PDE4D: variants seen among roughly 807,000 people sequenced by gnomAD.
PDE4D encodes phosphodiesterase 4D, also known as 3',5'-cyclic-AMP phosphodiesterase 4D.
PDE4D carries 24 observed loss-of-function variants against 87.4 expected under a neutral mutation model. The ratio of observed to expected loss-of-function variants is 0.27; its 90% confidence interval spans 0.20 to 0.39. The LOEUF is 0.39. Ranked by LOEUF, PDE4D falls within the 10% of genes least tolerant of loss-of-function variation. PDE4D has a pLI of 1.00. For missense variants in PDE4D, 714 were observed against 1,041.0 expected, an observed-to-expected ratio of 0.69 and a Z score of 4.32; for synonymous variants, 384 against 383.2, an observed-to-expected ratio of 1.00 and a Z score of -0.02.
intron 2 of PDE4D, among the ~76,000 whole-genome samples, chr5:60,176,811 T>C (rs1379030398): frequency 1.3e-5 from 2 of 152,184 alleles, no homozygotes; most frequent in African/African-American, 4.8e-5. Context: ...TGCATAACGC[T>C]GTAAAAGGAG....
chr5:59,702,202 C>A (rs180933684), intron 1 of PDE4D, among the ~76,000 whole-genome samples: 2 of 152,276 alleles, frequency 1.3e-5, no homozygotes, highest in Admixed American at 1.3e-4. Flanking sequence ...GGGCTCACTG[C>A]AAGCTCCCCC....
intron 1 of PDE4D, among the ~76,000 whole-genome samples, chr5:60,371,361 C>T (rs1761013691): frequency 6.6e-6 from 1 of 152,190 alleles, no homozygotes; most frequent in Non-Finnish European, 1.5e-5. Flanking sequence ...TTCTCTTTCT[C>T]CTGTCACCAT....
At chr5:60,127,250 C>T (rs1291139148) in intron 2 of PDE4D, among the ~76,000 whole-genome samples, 1 of 152,080 alleles carries the variant, frequency 6.6e-6, no homozygotes, top group Admixed American at 6.6e-5. Flanking sequence ...AGGTGTGATT[C>T]AGATTATTGA....
At chr5:60,005,205 A>C (rs897438605) in intron 2 of PDE4D, among the ~76,000 whole-genome samples, 3 of 152,146 alleles carry the variant, frequency 2.0e-5, no homozygotes, top group South Asian at 2.1e-4. Context: ...CCAGACACAG[A>C]CAGCCAGATG....
intron 1 of PDE4D, among the ~76,000 whole-genome samples, chr5:59,763,876 C>T (rs146312936): frequency 6.6e-6 from 1 of 152,172 alleles, no homozygotes; most frequent in African/African-American, 2.4e-5. Context: ...TCAACACATA[C>T]TAGCTAGTGA....
chr5:59,309,455 GTA>G (rs1278874547), intron 1 of PDE4D, among the ~76,000 whole-genome samples: 1 of 152,160 alleles, frequency 6.6e-6, no homozygotes, highest in Non-Finnish European at 1.5e-5. Flanking sequence ...CTTTGCCTCT[GTA>G]TTTCACTCAG....
intron 1 of PDE4D, among the ~76,000 whole-genome samples, chr5:59,695,344 C>T (rs1160143104): frequency 1.3e-5 from 2 of 152,070 alleles, no homozygotes; most frequent in African/African-American, 4.8e-5. Context: ...TTCCCCAAGG[C>T]AGGAACTGCA....
In PDE4D at chr5:59,533,660, G is replaced by C. The variant is rs572464328; in HGVS notation, c.456-317692C>G. Among the ~76,000 whole-genome samples the C allele has an allele frequency of 5.3e-5, 8 of 152,258 alleles. No individual in the cohort carries two copies. The South Asian group carries it at 1.0e-3, about 20-fold the overall frequency. Reference sequence around the variant, plus strand: ...TTTAATGCAGTGATTCTCAAAGTGTGGTCTCCAGACTAGCAGCATTAGTGT... The same window carrying C: ...TTTAATGCAGTGATTCTCAAAGTGTCGTCTCCAGACTAGCAGCATTAGTGT... On this transcript the variant is annotated intron_variant, in intron 1 of 14. Coordinates refer to ENST00000340635, the MANE Select transcript of PDE4D (RefSeq NM_001104631.2).
At chr5:60,355,223 G>T (rs879488113) in intron 1 of PDE4D, among the ~76,000 whole-genome samples, 5 of 152,148 alleles carry the variant, frequency 3.3e-5, no homozygotes, top group Non-Finnish European at 7.4e-5. Context: ...CCTAAGGAAG[G>T]TCACTGTGAC....
intron 2 of PDE4D, among the ~76,000 whole-genome samples, chr5:60,020,525 G>A (rs1391965959): frequency 6.6e-6 from 1 of 152,070 alleles, no homozygotes. Context: ...CATACAGGCT[G>A]TATGTATACA....
At chr5:59,771,483 A>AAGAAAGAAAG (rs1379469312) in intron 1 of PDE4D, among the ~76,000 whole-genome samples, 42 of 54,376 alleles carry the variant, frequency 7.7e-4, no homozygotes, top group South Asian at 1.5e-3. Flanking sequence ...GAAAGAAAGA[A>AAGAAAGAAAG]AGAGAGAGAG....
At chr5:59,638,178 A>AT (rs1740919664) in intron 1 of PDE4D, among the ~76,000 whole-genome samples, 1 of 152,108 alleles carries the variant, frequency 6.6e-6, no homozygotes, top group South Asian at 2.1e-4. Flanking sequence ...AGTTGGGTTT[A>AT]TTTTTTTCTG....
intron 1 of PDE4D, among the ~76,000 whole-genome samples, chr5:59,484,827 T>G (rs1804836828): frequency 6.6e-6 from 1 of 152,184 alleles, no homozygotes; most frequent in Non-Finnish European, 1.5e-5. Flanking sequence ...GTTTCACATT[T>G]TCTCATCTGT....
At chr5:59,190,772 C>T (rs1248392642) in intron 3 of PDE4D, among the ~76,000 whole-genome samples, 1 of 152,164 alleles carries the variant, frequency 6.6e-6, no homozygotes, top group East Asian at 1.9e-4. Context: ...ACTGGGACTT[C>T]TCTCTTAACC....
intron 1 of PDE4D, among the ~76,000 whole-genome samples, chr5:59,813,584 T>C (rs1313857040): frequency 5.9e-5 from 9 of 152,190 alleles, no homozygotes; most frequent in African/African-American, 2.2e-4. Context: ...AAATAATTCC[T>C]AAGCCAATAA....
intron 1 of PDE4D, among the ~76,000 whole-genome samples, chr5:59,856,915 C>T (rs1745528798): frequency 6.6e-6 from 1 of 151,666 alleles, no homozygotes; most frequent in Admixed American, 6.6e-5. Context: ...TTTCTACAAC[C>T]CACCCACTTG....
chr5:59,593,003 G>T (rs1380258485), intron 1 of PDE4D, among the ~76,000 whole-genome samples: 1 of 151,336 alleles, frequency 6.6e-6, no homozygotes, highest in Non-Finnish European at 1.5e-5. Flanking sequence ...AATAAGAAGA[G>T]CTCTTTAAAT....
chr5:59,675,037 T>G (rs1178069200), intron 1 of PDE4D, among the ~76,000 whole-genome samples: 1 of 152,214 alleles, frequency 6.6e-6, no homozygotes, highest in Non-Finnish European at 1.5e-5. Context: ...TGTAACTAGA[T>G]TTTCACTATA....
At chr5:59,221,383 G>A (rs1187015378) in intron 1 of PDE4D, among the ~76,000 whole-genome samples, 1 of 152,160 alleles carries the variant, frequency 6.6e-6, no homozygotes, top group Non-Finnish European at 1.5e-5. Context: ...TATAATCCCA[G>A]CACTTTAGGA....
Sources: gnomAD v4.1 joint callset for allele counts (sites outside exome capture counted in the v4.1 genomes callset) on GRCh38, gnomAD v4.1.1 for gene constraint, MANE v1.5 for transcripts, NCBI Gene and HGNC (gene_info 2026-07-23, HGNC 2026-07-21) for gene names.